The following ZNF214 variants were observed in gnomAD, a reference collection of about 807,000 sequenced individuals.
The protein encoded by ZNF214 is zinc finger protein 214.
Under a neutral mutation model 53.9 loss-of-function variants are expected in ZNF214, and 43 were observed. That is an observed-to-expected ratio of 0.80 (90% CI 0.63 to 1.03). The LOEUF is 1.03. ZNF214 is among the 50% of genes least tolerant of loss of function. The pLI is 0.00. For synonymous variants in ZNF214, 217 were observed against 229.5 expected, an observed-to-expected ratio of 0.95 and a Z score of 0.49; for missense variants, 724 against 719.1, an observed-to-expected ratio of 1.01 and a Z score of -0.08.
rs1564990599 is a variant in ZNF214 at position 7,000,899 on chromosome 11, A to G, written c.784T>C (p.Leu262=). The part of the protein sequence containing the change: ...CKACFSQRSD[L]YRHPRNHIGK... ...ATGTGGTTTCTTGGATGTCTATACA[A>G]GTCTGATCTCTGAGAGAAGCATGCT... Residue 262 remains leucine, a synonymous_variant, in exon 3 of 3, where the codon TTG becomes CTG. Coordinates refer to ENST00000278314, the MANE Select transcript of ZNF214 (RefSeq NM_013249.4). 1 of 1,613,262 alleles carries G rather than the reference A, an allele frequency of 6.2e-7. No homozygotes were observed. Among genetic ancestry groups the G allele is most frequent in the Non-Finnish European group, 8.5e-7 (1 of 1,179,596 alleles).
chr11:7,011,131 T>C (rs1001498007), intron 1 of ZNF214, among the ~76,000 whole-genome samples: 12 of 152,068 alleles, frequency 7.9e-5, no homozygotes, highest in Non-Finnish European at 1.5e-4. Flanking sequence ...TTACAATACA[T>C]AGTTTTCAAA....
intron 1 of ZNF214, among the ~76,000 whole-genome samples, chr11:7,005,101 T>C (rs1462571427): frequency 1.3e-5 from 2 of 151,412 alleles, no homozygotes; most frequent in Admixed American, 1.3e-4. Flanking sequence ...ATATCATATT[T>C]CTATTGTAAT....
chr11:7,001,593 A>C (rs770368135), intron 2 of ZNF214, 38 bp from the exon 3 acceptor site: 1 of 1,535,828 alleles, frequency 6.5e-7, no homozygotes, highest in East Asian at 2.3e-5. Flanking sequence ...GTGAGATAAA[A>C]GCTGTGTTGA....
chr11:7,019,591 G>A (rs530373877), intron 1 of ZNF214: 1 of 152,144 alleles, frequency 6.6e-6, no homozygotes, highest in East Asian at 1.9e-4. Context: ...GAGCTCCCAG[G>A]TCCTGATCAA....
Position 6,999,356 on chromosome 11 carries a change from A to G in ZNF214, c.*506T>C, listed in dbSNP as rs935764108. On this transcript the variant is annotated 3_prime_UTR_variant, in exon 3 of 3. Coordinates refer to ENST00000278314, the MANE Select transcript of ZNF214 (RefSeq NM_013249.4). ...CTTTTATTAGGTGGCTTTTGTCCAT[A>G]AACAATTGAATTCTACCGGCCAAAA... The G allele has an allele frequency of 6.5e-6, 1 of 153,040 alleles. No homozygotes were observed. The highest frequency in any genetic ancestry group is 2.4e-5 in the African/African-American group (1 of 41,400). The allele number at this position is 153,040 out of a possible 1,614,324, so 9.5% of individuals were successfully genotyped here. A position where few individuals can be genotyped will look rare whatever the true frequency, so the allele number is the denominator to read the frequency against.
rs1037102433 is a variant in ZNF214 at position 7,001,036 on chromosome 11, T to C, written c.647A>G (p.Glu216Gly). 3 of 1,613,118 alleles carry C rather than the reference T, an allele frequency of 1.9e-6. No homozygotes were observed. In the African/African-American group the frequency reaches 4.0e-5, roughly 22 times the overall value. Residue 216 changes from glutamate (E) to glycine (G), a missense_variant, in exon 3 of 3, where the codon GAA becomes GGA. Glu to Gly is a moderately conservative substitution (Grantham distance 98). Transcript: ENST00000278314. ...ACATTTATTACATCCACAGTACTTT[T>C]CTTCCATTGAATCTCTCAGTAGGTC... ...QEDLLRDSMEEKYCGCNKCKG... is the reference protein window; with the variant it reads ...QEDLLRDSMEGKYCGCNKCKG...
rs1440441278 is a variant in ZNF214, at chr11:6,997,337, G to T, written c.*2525C>A. On this transcript the variant is annotated 3_prime_UTR_variant, in exon 3 of 3. Transcript: ENST00000278314. ...TTTAAGCAATATCACATTTTCATCT[G>T]TTATAGCACATAATTAGAAATTTTT... 6.6e-6 allele frequency among the ~76,000 whole-genome samples: 1 copy of T among 151,838 alleles called. No homozygotes were observed. Among genetic ancestry groups the T allele is most frequent in the Admixed American group, 6.6e-5 (1 of 15,216 alleles).
At chr11:7,017,780 C>T (rs1360102980) in intron 1 of ZNF214, among the ~76,000 whole-genome samples, 1 of 151,276 alleles carries the variant, frequency 6.6e-6, no homozygotes, top group Non-Finnish European at 1.5e-5. Flanking sequence ...TACTATATAC[C>T]TAGAATGGAA....
In ZNF214 at chr11:6,999,496, T is replaced by G. The variant is rs1851265800; in HGVS notation, c.*366A>C. 6.4e-6 allele frequency: 1 copy of G among 157,060 alleles called. No homozygotes were observed. Among genetic ancestry groups the G allele is most frequent in the Non-Finnish European group, 1.4e-5 (1 of 71,374 alleles). 9.7% of individuals were successfully genotyped at this position (157,060 alleles called of 1,614,324 possible). A position where few individuals can be genotyped will look rare whatever the true frequency, so the allele number is the denominator to read the frequency against. The stretch of plus-strand genomic sequence containing the variant: ...CAACCAGTTTCAATTCAAACCAAAA[T>G]TTAAGTAAATATTTTGAAGACAGTG... On this transcript the variant is annotated 3_prime_UTR_variant, in exon 3 of 3. Coordinates refer to ENST00000278314, the MANE Select transcript of ZNF214 (RefSeq NM_013249.4).
intron 1 of ZNF214, among the ~76,000 whole-genome samples, chr11:7,006,667 C>A (rs988619181): frequency 6.6e-6 from 1 of 151,934 alleles, no homozygotes; most frequent in Non-Finnish European, 1.5e-5. Flanking sequence ...ATTTTATTAT[C>A]CATGTTCATT....
intron 1 of ZNF214, among the ~76,000 whole-genome samples, chr11:7,004,099 G>T (rs997645394): frequency 6.6e-6 from 1 of 151,714 alleles, no homozygotes; most frequent in East Asian, 1.9e-4. Context: ...TACTGGATTT[G>T]TTATTTTTTA....
At chr11:7,012,599 AATAAG>A (rs1292864967) in intron 1 of ZNF214, among the ~76,000 whole-genome samples, 4 of 152,202 alleles carry the variant, frequency 2.6e-5, no homozygotes, top group South Asian at 2.1e-4. Flanking sequence ...AAAAAATAAA[AATAAG>A]ATTAGGGAAA....
At chr11:7,002,664 G>T in intron 2 of ZNF214, 45 bp downstream of exon 2, 1 of 1,506,840 alleles carries the variant, frequency 6.6e-7, no homozygotes, top group Non-Finnish European at 8.8e-7. Flanking sequence ...CAACAAAACT[G>T]CTCCTAGAAG....
intron 1 of ZNF214, among the ~76,000 whole-genome samples, chr11:7,006,024 C>A (rs994738428): frequency 6.6e-6 from 1 of 151,998 alleles, no homozygotes; most frequent in African/African-American, 2.4e-5. Flanking sequence ...TATTATTTTG[C>A]TTTTCAGTGT....
chr11:7,011,964 G>A (rs997593360), intron 1 of ZNF214, among the ~76,000 whole-genome samples: 9 of 152,096 alleles, frequency 5.9e-5, no homozygotes, highest in Admixed American at 2.0e-4. Context: ...AATAAAAGGA[G>A]AAGCATGCTT....
At chr11:7,003,355 C>A (rs1851399494) in intron 1 of ZNF214, among the ~76,000 whole-genome samples, 1 of 151,846 alleles carries the variant, frequency 6.6e-6, no homozygotes, top group African/African-American at 2.4e-5. Flanking sequence ...GAAACAGATA[C>A]TTTTAAGGAG....
At chr11:7,003,421 C>T (rs1851401974) in intron 1 of ZNF214, among the ~76,000 whole-genome samples, 1 of 151,970 alleles carries the variant, frequency 6.6e-6, no homozygotes, top group South Asian at 2.1e-4. Flanking sequence ...GCAGCAGCAG[C>T]ACCATCATAG....
Position 7,010,963 on chromosome 11 carries a change from T to A in ZNF214, c.-20-8108A>T, listed in dbSNP as rs79472490. Among the ~76,000 whole-genome samples, 86 of 31,806 alleles carry A rather than the reference T, an allele frequency of 2.7e-3. No homozygotes were observed. In the East Asian group the frequency reaches 0.036, roughly 13 times the overall value. 20.9% of individuals were successfully genotyped at this position (31,806 alleles called of 152,430 possible). On this transcript the variant is annotated intron_variant, in intron 1 of 2. Transcript: ENST00000278314. Reference sequence around the variant, plus strand: ...AATTCCCAGTGAAGTATAAAAAAAATAAAATGGCAAAATAGATGAAAGACT... The same window carrying A: ...AATTCCCAGTGAAGTATAAAAAAAAAAAAATGGCAAAATAGATGAAAGACT...
chr11:7,012,253 G>C (rs1057394148), intron 1 of ZNF214, among the ~76,000 whole-genome samples: 4 of 152,128 alleles, frequency 2.6e-5, no homozygotes, highest in Non-Finnish European at 5.9e-5. Flanking sequence ...ATTAACAATA[G>C]AGGTGGCATT....
Sources: gnomAD v4.1 joint callset for allele counts (sites outside exome capture counted in the v4.1 genomes callset) on GRCh38, gnomAD v4.1.1 for gene constraint, MANE v1.5 for transcripts, NCBI Gene and HGNC (gene_info 2026-07-23, HGNC 2026-07-21) for gene names.